MRPL48: variants seen among roughly 807,000 people sequenced by gnomAD.
MRPL48 encodes the protein mitochondrial ribosomal protein L48.
A neutral mutation model predicts 32.9 loss-of-function variants in MRPL48; 16 were observed. The observed-to-expected ratio is 0.49, with a 90% CI of 0.33 to 0.74. The LOEUF is 0.74. Among genes scored for constraint, MRPL48 ranks in the 30% least tolerant of loss-of-function variants. The pLI is 0.02. For missense variants in MRPL48, 206 were observed against 245.3 expected, an observed-to-expected ratio of 0.84 and a Z score of 1.07; for synonymous variants, 94 against 89.2, an observed-to-expected ratio of 1.05 and a Z score of -0.31.
chr11:73,824,171 A>G (rs1038775574), intron 3 of MRPL48, among the ~76,000 whole-genome samples: 8 of 151,740 alleles, frequency 5.3e-5, no homozygotes, highest in African/African-American at 1.7e-4. Flanking sequence ...TATTTTTTTA[A>G]TCCAGTAGTA....
At chr11:73,819,253 A>G (rs540508002) in intron 3 of MRPL48, among the ~76,000 whole-genome samples, 13 of 152,332 alleles carry the variant, frequency 8.5e-5, no homozygotes, top group Admixed American at 3.9e-4. Context: ...ATTGCTCCAA[A>G]CTGAATTTTA....
intron 5 of MRPL48, among the ~76,000 whole-genome samples, chr11:73,853,051 A>G (rs1948427812): frequency 2.0e-5 from 3 of 152,314 alleles, no homozygotes; most frequent in Middle Eastern, 3.4e-3. Context: ...ATTAAAATCA[A>G]TTGAACTCAG....
chr11:73,837,880 C>T (rs1010352807), intron 4 of MRPL48, among the ~76,000 whole-genome samples: 1 of 152,154 alleles, frequency 6.6e-6, no homozygotes, highest in Non-Finnish European at 1.5e-5. Flanking sequence ...CAGAGTCTCG[C>T]ACTGTTGCCC....
At chr11:73,853,851 T>C (rs1384332995) in intron 5 of MRPL48, among the ~76,000 whole-genome samples, 1 of 151,766 alleles carries the variant, frequency 6.6e-6, no homozygotes, top group Non-Finnish European at 1.5e-5. Context: ...CCACCACGCC[T>C]GGCTAATTTT....
intron 3 of MRPL48, among the ~76,000 whole-genome samples, chr11:73,816,906 A>C (rs936952713): frequency 6.6e-6 from 1 of 151,314 alleles, no homozygotes; most frequent in Non-Finnish European, 1.5e-5. Flanking sequence ...GCTCACCGCA[A>C]CCTCTGGCTC....
intron 3 of MRPL48, among the ~76,000 whole-genome samples, chr11:73,811,420 A>AAG (rs1947564428): frequency 6.6e-6 from 1 of 151,506 alleles, no homozygotes; most frequent in Non-Finnish European, 1.5e-5. Flanking sequence ...GCAGGAACTG[A>AAG]AGAGAGATGT....
intron 4 of MRPL48, among the ~76,000 whole-genome samples, chr11:73,826,026 A>T (rs200942441): frequency 6.0e-5 from 9 of 150,734 alleles, no homozygotes; most frequent in East Asian, 3.9e-4. Flanking sequence ...TTTTATTTTT[A>T]TTTTTTTTTG....
chr11:73,841,706 C>T (rs1948189335), intron 4 of MRPL48, among the ~76,000 whole-genome samples: 1 of 152,010 alleles, frequency 6.6e-6, no homozygotes, highest in Non-Finnish European at 1.5e-5. Context: ...GGTACTTTCA[C>T]TTTGTGAAAA....
chr11:73,803,971 C>G (rs1342284211), intron 1 of MRPL48, among the ~76,000 whole-genome samples: 2 of 152,048 alleles, frequency 1.3e-5, no homozygotes, highest in African/African-American at 2.4e-5. Context: ...CCAGGCTAGA[C>G]TGCAGTGGCG....
intron 1 of MRPL48, among the ~76,000 whole-genome samples, chr11:73,802,903 G>T (rs992873832): frequency 2.0e-5 from 3 of 151,742 alleles, no homozygotes; most frequent in Non-Finnish European, 4.4e-5. Flanking sequence ...TCCTATGTTG[G>T]CCAGGCTGGT....
intron 1 of MRPL48, among the ~76,000 whole-genome samples, chr11:73,800,236 G>C (rs962255683): frequency 6.6e-6 from 1 of 150,980 alleles, no homozygotes; most frequent in East Asian, 1.9e-4. Context: ...AGTAAGATCC[G>C]GTCTCTTAAA....
At chr11:73,853,642 G>A (rs183980864) in intron 5 of MRPL48, among the ~76,000 whole-genome samples, 1 of 141,332 alleles carries the variant, frequency 7.1e-6, no homozygotes, top group African/African-American at 2.6e-5. Flanking sequence ...TAATAATTAA[G>A]AACTTTTTTT....
intron 1 of MRPL48, among the ~76,000 whole-genome samples, chr11:73,788,757 C>T (rs1410988660): frequency 6.6e-6 from 1 of 152,084 alleles, no homozygotes; most frequent in Non-Finnish European, 1.5e-5. Flanking sequence ...CAGGCATGAG[C>T]CACCGCGCCC....
intron 5 of MRPL48, among the ~76,000 whole-genome samples, chr11:73,858,638 G>C (rs961910533): frequency 1.3e-5 from 2 of 152,176 alleles, no homozygotes; most frequent in African/African-American, 4.8e-5. Flanking sequence ...GCTATTAAGT[G>C]ATGATTTTGT....
intron 5 of MRPL48, among the ~76,000 whole-genome samples, chr11:73,849,653 A>G (rs1241396617): frequency 6.6e-6 from 1 of 152,104 alleles, no homozygotes; most frequent in Non-Finnish European, 1.5e-5. Flanking sequence ...TCCTTTTCTG[A>G]TTGAAGGACA....
At chr11:73,827,254 C>T (rs1034787074) in intron 4 of MRPL48, among the ~76,000 whole-genome samples, 2 of 151,798 alleles carry the variant, frequency 1.3e-5, no homozygotes, top group Non-Finnish European at 2.9e-5. Flanking sequence ...TATGGTGGCG[C>T]GTGCCTGTAA....
chr11:73,796,923 C>T (rs1440682751), intron 1 of MRPL48, among the ~76,000 whole-genome samples: 15 of 152,052 alleles, frequency 9.9e-5, no homozygotes, highest in African/African-American at 1.7e-4. Flanking sequence ...AAAAATTAGC[C>T]GAGCGTGGTG....
intron 5 of MRPL48, among the ~76,000 whole-genome samples, chr11:73,855,416 C>G (rs1948468034): frequency 6.6e-6 from 1 of 152,008 alleles, no homozygotes; most frequent in African/African-American, 2.4e-5. Flanking sequence ...TTGTTTTTGT[C>G]CCTTTCCACC....
intron 1 of MRPL48, among the ~76,000 whole-genome samples, chr11:73,803,361 C>T (rs1947391587): frequency 1.3e-5 from 2 of 151,874 alleles, no homozygotes; most frequent in Non-Finnish European, 2.9e-5. Flanking sequence ...GAACTCCTGG[C>T]CTCAAGTGAT....
Sources: gnomAD v4.1 joint callset for allele counts (sites outside exome capture counted in the v4.1 genomes callset) on GRCh38, gnomAD v4.1.1 for gene constraint, MANE v1.5 for transcripts, NCBI Gene and HGNC (gene_info 2026-07-23, HGNC 2026-07-21) for gene names.